CDH12: variants seen among roughly 807,000 people sequenced by gnomAD.
CDH12 encodes cadherin-12.
A neutral mutation model predicts 74.1 loss-of-function variants in CDH12; 41 were observed. The ratio of observed to expected loss-of-function variants is 0.55; its 90% CI spans 0.43 to 0.72. The LOEUF (loss-of-function observed/expected upper bound fraction) is 0.72, where lower values mean the gene tolerates loss of function less well. CDH12 is among the 30% of genes least tolerant of loss of function. The pLI is 0.00. For synonymous variants in CDH12, 399 were observed against 355.0 expected (o/e 1.12, Z -1.39); for missense variants, 945 against 977.2 (o/e 0.97, Z 0.44).
At chr5:22,362,055 G>A (rs1740827260) in intron 3 of CDH12, among the ~76,000 whole-genome samples, 1 of 152,052 alleles carries the variant, frequency 6.6e-6, no homozygotes, top group Non-Finnish European at 1.5e-5. Context: ...AAAAGCAAAG[G>A]CAACAAAAGC....
intron 1 of CDH12, among the ~76,000 whole-genome samples, chr5:22,633,655 T>C (rs1373853397): frequency 1.3e-5 from 2 of 152,134 alleles, no homozygotes; most frequent in Admixed American, 6.5e-5. Context: ...CTGTTTGAGG[T>C]ATGACAGTGA....
chr5:22,679,089 A>G (rs1741359570), intron 1 of CDH12, among the ~76,000 whole-genome samples: 1 of 152,102 alleles, frequency 6.6e-6, no homozygotes, highest in Non-Finnish European at 1.5e-5. Context: ...AAAATTCATA[A>G]CTACAGTACC....
At chr5:22,194,775 A>G (rs931788339) in intron 4 of CDH12, among the ~76,000 whole-genome samples, 2 of 152,180 alleles carry the variant, frequency 1.3e-5, no homozygotes, top group African/African-American at 2.4e-5. Context: ...TGTAGCTACA[A>G]TTTTGTGAGC....
rs149282693 is a variant in CDH12 at position 21,934,974 on chromosome 5, G to T, written c.526+40117C>A. Among the ~76,000 whole-genome samples the T allele has an allele frequency of 7.7e-3, 1,170 of 152,214 alleles. 18 individuals carry two copies. Among genetic ancestry groups the T allele is most frequent in the African/African-American group, 0.027 (1,123 of 41,552 alleles). On this transcript the variant is annotated intron_variant, in intron 6 of 14. Transcript: ENST00000382254. ...GCTAATTTTTTGTTTTTTTCGTAGA[G>T]ACGGGGTTTCATCGTGTTAGCCAGG... is the stretch of plus-strand genomic sequence containing the variant.
chr5:22,462,068 A>T (rs1448528077), intron 2 of CDH12, among the ~76,000 whole-genome samples: 1 of 152,194 alleles, frequency 6.6e-6, no homozygotes, highest in African/African-American at 2.4e-5. Flanking sequence ...TAAAAGAATG[A>T]TAATTTATGA....
At chr5:22,518,919 G>T (rs1471135212) in intron 1 of CDH12, among the ~76,000 whole-genome samples, 1 of 152,164 alleles carries the variant, frequency 6.6e-6, no homozygotes, top group African/African-American at 2.4e-5. Flanking sequence ...GCTCTTGGGA[G>T]ACAGGCTTAG....
At chr5:21,987,101 T>C (rs1370273965) in intron 5 of CDH12, among the ~76,000 whole-genome samples, 1 of 152,170 alleles carries the variant, frequency 6.6e-6, no homozygotes, top group African/African-American at 2.4e-5. Flanking sequence ...TGTTAGTCTT[T>C]ATTATCATAG....
chr5:22,129,047 A>T (rs116277056), intron 4 of CDH12, among the ~76,000 whole-genome samples: 126 of 152,344 alleles, frequency 8.3e-4, no homozygotes, highest in African/African-American at 2.9e-3. Context: ...AAAACGTTTA[A>T]CCTGTAAAAT....
chr5:22,420,691 C>CTATT (rs1194699907), intron 2 of CDH12, among the ~76,000 whole-genome samples: 1 of 151,800 alleles, frequency 6.6e-6, no homozygotes. Flanking sequence ...TACTTTTAAA[C>CTATT]TATTAATTTT....
At chr5:22,124,212 GT>G (rs1745701561) in intron 4 of CDH12, among the ~76,000 whole-genome samples, 1 of 152,040 alleles carries the variant, frequency 6.6e-6, no homozygotes, top group Admixed American at 6.6e-5. Context: ...CTGCAGTGCA[GT>G]GGCAGGATCT....
intron 4 of CDH12, among the ~76,000 whole-genome samples, chr5:22,176,598 C>T (rs968319889): frequency 2.0e-5 from 3 of 152,130 alleles, no homozygotes; most frequent in Non-Finnish European, 4.4e-5. Flanking sequence ...AATGTCTTTT[C>T]AATACTTGCA....
chr5:22,456,263 T>TGA (rs1561417942), intron 2 of CDH12, among the ~76,000 whole-genome samples: 1 of 151,798 alleles, frequency 6.6e-6, no homozygotes, highest in East Asian at 1.9e-4. Context: ...TGTGTGTGTG[T>TGA]GTGTGTGTGT....
At chr5:22,762,838 G>C (rs940396814) in intron 1 of CDH12, among the ~76,000 whole-genome samples, 3 of 151,978 alleles carry the variant, frequency 2.0e-5, no homozygotes, top group Non-Finnish European at 2.9e-5. Context: ...TCAAATAACA[G>C]TTTAGTTATC....
chr5:21,961,237 T>C (rs967457392), intron 6 of CDH12, among the ~76,000 whole-genome samples: 2 of 152,174 alleles, frequency 1.3e-5, no homozygotes, highest in African/African-American at 2.4e-5. Flanking sequence ...TGTATAAACA[T>C]TGAGAATTAT....
At chr5:22,574,227 G>T (rs896088987) in intron 1 of CDH12, among the ~76,000 whole-genome samples, 1 of 151,504 alleles carries the variant, frequency 6.6e-6, no homozygotes, top group African/African-American at 2.4e-5. Flanking sequence ...TTACAGGTAC[G>T]CACCACCACA....
chr5:22,165,372 A>G (rs970971320), intron 4 of CDH12, among the ~76,000 whole-genome samples: 4 of 152,322 alleles, frequency 2.6e-5, no homozygotes, highest in African/African-American at 9.6e-5. Flanking sequence ...AGATACACAC[A>G]GTGACAATTC....
chr5:21,848,435 C>T (rs747253203), intron 7 of CDH12, among the ~76,000 whole-genome samples: 37 of 152,040 alleles, frequency 2.4e-4, no homozygotes, highest in Admixed American at 7.9e-4. Context: ...GTTTTCAATT[C>T]CATAGCTCAG....
chr5:21,992,914 G>A (rs529800671), intron 5 of CDH12, among the ~76,000 whole-genome samples: 1 of 152,248 alleles, frequency 6.6e-6, no homozygotes, highest in South Asian at 2.1e-4. Flanking sequence ...GGCTGGGGAG[G>A]CCTCAGAAAA....
At chr5:22,132,681 C>G (rs550850095) in intron 4 of CDH12, among the ~76,000 whole-genome samples, 56 of 152,036 alleles carry the variant, frequency 3.7e-4, no homozygotes, top group African/African-American at 1.3e-3. Context: ...TAGTCAAATA[C>G]AAGTAAAACC....
Sources: allele counts gnomAD v4.1 joint callset (sites outside exome capture counted in the v4.1 genomes callset), GRCh38; gene constraint gnomAD v4.1.1; transcripts MANE v1.5; gene names NCBI Gene and HGNC (gene_info 2026-07-23, HGNC 2026-07-21).